HDAC9: variants seen among roughly 807,000 people sequenced by gnomAD.
HDAC9 encodes MEF-2 interacting transcription repressor (MITR) protein.
Under a neutral mutation model 139.4 loss-of-function variants are expected in HDAC9, and 41 were observed. That is an observed-to-expected ratio of 0.29 (90% CI 0.23 to 0.38). HDAC9 has a LOEUF of 0.38. Among genes scored for constraint, HDAC9 ranks in the 10% least tolerant of loss-of-function variants. The pLI, the probability that HDAC9 is intolerant of heterozygous loss-of-function variation, is 1.00. For missense variants in HDAC9, 1,147 were observed against 1,297.0 expected (o/e 0.88, Z 1.78); for synonymous variants, 517 against 476.2 (o/e 1.09, Z -1.12).
chr7:18,962,868 T>A (rs763128824), intron 24 of HDAC9, among the ~76,000 whole-genome samples: 19 of 152,176 alleles, frequency 1.2e-4, no homozygotes, highest in Admixed American at 1.2e-3. Flanking sequence ...TTGAGACTTA[T>A]CAAGTTTAGG....
chr7:18,709,906 C>T (rs1420751973), intron 12 of HDAC9, among the ~76,000 whole-genome samples: 1 of 152,186 alleles, frequency 6.6e-6, no homozygotes, highest in Non-Finnish European at 1.5e-5. Context: ...TCCTCCTACA[C>T]TCAGGGGTGT....
chr7:18,972,369 C>CTTTTTTTTTTTTTTTT, intron 24 of HDAC9, among the ~76,000 whole-genome samples: 1 of 94,898 alleles, frequency 1.1e-5, no homozygotes, highest in Non-Finnish European at 2.2e-5. Flanking sequence ...ATGAACTTCT[C>CTTTTTTTTTTTTTTTT]TTTTTTTTTT....
intron 1 of HDAC9, among the ~76,000 whole-genome samples, chr7:18,131,925 A>G (rs79639397): frequency 0.04 from 6,136 of 152,258 alleles, 421 homozygotes; most frequent in African/African-American, 0.14. Context: ...AATATGTTTT[A>G]GGCAAAGAAG....
rs1786702740 is a variant in HDAC9 at position 19,000,597 on chromosome 7, G to A, written c.*4535G>A. The A allele has an allele frequency of 6.6e-6, 1 of 152,152 alleles. No individual in the cohort carries two copies. Among genetic ancestry groups the A allele is most frequent in the African/African-American group, 2.4e-5 (1 of 41,438 alleles). The allele number at this position is 152,152 out of a possible 1,614,324, so 9.4% of individuals were successfully genotyped here. A position where few individuals can be genotyped will look rare whatever the true frequency, so the allele number is the denominator to read the frequency against. ...ATACAATTAAGTCCGTTATTACTAT[G>A]CTGGAAATAACTAGGTCAGACAATG... On this transcript the variant is annotated 3_prime_UTR_variant, in exon 26 of 26. Coordinates refer to ENST00000686413, the MANE Select transcript of HDAC9 (RefSeq NM_178425.4).
At chr7:18,434,253 G>A (rs1225125969) in intron 1 of HDAC9, among the ~76,000 whole-genome samples, 5 of 152,070 alleles carry the variant, frequency 3.3e-5, no homozygotes, top group Admixed American at 6.6e-5. Flanking sequence ...CACCGTATAC[G>A]AAAATCAAAT....
intron 1 of HDAC9, among the ~76,000 whole-genome samples, chr7:18,476,881 T>A (rs538910119): frequency 6.6e-6 from 1 of 152,352 alleles, no homozygotes; most frequent in South Asian, 2.1e-4. Context: ...ACCCTTTCTA[T>A]TGTTTGCAAA....
chr7:18,249,656 A>AC (rs1794796425), intron 2 of HDAC9, among the ~76,000 whole-genome samples: 1 of 151,878 alleles, frequency 6.6e-6, no homozygotes, highest in Non-Finnish European at 1.5e-5. Context: ...CTACCATTCT[A>AC]CCCCCAAATT....
At chr7:18,850,683 C>T (rs1797222382) in intron 21 of HDAC9, among the ~76,000 whole-genome samples, 1 of 152,202 alleles carries the variant, frequency 6.6e-6, no homozygotes, top group Non-Finnish European at 1.5e-5. Context: ...GAGTGCATTC[C>T]TGTCTTGCTT....
At chr7:18,447,219 T>C (rs1792377755) in intron 1 of HDAC9, among the ~76,000 whole-genome samples, 2 of 152,172 alleles carry the variant, frequency 1.3e-5, no homozygotes, top group African/African-American at 4.8e-5. Flanking sequence ...GAGTTTAAAA[T>C]TATTTATGAT....
rs573631273 is a variant in HDAC9 at position 18,468,717 on chromosome 7, T to G, written c.-41-27545T>G. ...GCCTGGCACCTGGTAAAAATCAATT[T>G]GTATTTTGTGCAAAAATAAATTCAT... On this transcript the variant is annotated intron_variant, in intron 1 of 3. Coordinates refer to the HDAC9 transcript ENST00000413509. Among the ~76,000 whole-genome samples, 6 of 152,366 alleles carry G rather than the reference T, an allele frequency of 3.9e-5. No homozygotes were observed. In the South Asian group the frequency reaches 1.2e-3, roughly 32 times the overall value.
chr7:18,604,499 T>G (rs964611636), intron 6 of HDAC9, among the ~76,000 whole-genome samples: 2 of 151,650 alleles, frequency 1.3e-5, no homozygotes, highest in Non-Finnish European at 2.9e-5. Context: ...CTCTGCCTCC[T>G]GGGTTCACGC....
At chr7:18,438,433 T>G (rs1791423484) in intron 1 of HDAC9, among the ~76,000 whole-genome samples, 1 of 152,172 alleles carries the variant, frequency 6.6e-6, no homozygotes, top group Non-Finnish European at 1.5e-5. Flanking sequence ...ACTTTGCCAG[T>G]CATTGGACTT....
chr7:18,503,550 T>A (rs1217563142), intron 2 of HDAC9, among the ~76,000 whole-genome samples: 4 of 152,240 alleles, frequency 2.6e-5, no homozygotes, highest in African/African-American at 9.6e-5. Flanking sequence ...ATTATCATAA[T>A]GTTAACTTTT....
intron 11 of HDAC9, 104 bp downstream of exon 11, chr7:18,648,787 C>A (rs2129032230): frequency 3.2e-6 from 3 of 945,076 alleles, no homozygotes; most frequent in Admixed American, 2.2e-5. Context: ...GGAGTCACAG[C>A]AAAAAGGATG....
intron 2 of HDAC9, among the ~76,000 whole-genome samples, chr7:18,252,352 C>G (rs1276546339): frequency 1.3e-5 from 2 of 152,138 alleles, no homozygotes; most frequent in Admixed American, 6.6e-5. Flanking sequence ...TCATGGGTAA[C>G]AGATGCACCA....
chr7:18,562,164 G>T (rs1820819064), intron 2 of HDAC9, among the ~76,000 whole-genome samples: 1 of 151,856 alleles, frequency 6.6e-6, no homozygotes, highest in Admixed American at 6.6e-5. Context: ...TTCTTTGTCT[G>T]TTTTTTAATT....
intron 24 of HDAC9, among the ~76,000 whole-genome samples, chr7:18,955,814 C>G (rs1301493627): frequency 1.3e-5 from 2 of 152,054 alleles, no homozygotes; most frequent in African/African-American, 4.8e-5. Context: ...GTGATATAGC[C>G]TGAGCTTGGT....
At chr7:18,705,018 TAA>T (rs1389034145) in intron 12 of HDAC9, among the ~76,000 whole-genome samples, 1 of 152,202 alleles carries the variant, frequency 6.6e-6, no homozygotes, top group African/African-American at 2.4e-5. Context: ...CAATTAAAAA[TAA>T]AGAGACAAGT....
chr7:18,139,852 C>T (rs1037555383), intron 1 of HDAC9, among the ~76,000 whole-genome samples: 1 of 152,074 alleles, frequency 6.6e-6, no homozygotes, highest in South Asian at 2.1e-4. Flanking sequence ...GGGCAGCCTC[C>T]GGAAGTTAGA....
Sources: gnomAD v4.1 joint callset for allele counts (sites outside exome capture counted in the v4.1 genomes callset) on GRCh38, gnomAD v4.1.1 for gene constraint, MANE v1.5 for transcripts, NCBI Gene and HGNC (gene_info 2026-07-23, HGNC 2026-07-21) for gene names.